Variants in NRXN3 observed in about 807,000 individuals in gnomAD.
NRXN3 encodes the protein neurexin 3.
NRXN3 carries 32 observed loss-of-function variants against 137.6 expected under a neutral mutation model. The observed-to-expected ratio is 0.23, with a 90% confidence interval of 0.18 to 0.31. NRXN3 has a LOEUF of 0.31. Among genes scored for constraint, NRXN3 ranks in the 10% least tolerant of loss-of-function variants. NRXN3 has a pLI of 1.00. For synonymous variants in NRXN3, 798 were observed against 784.5 expected, an observed-to-expected ratio of 1.02 and a Z score of -0.29; for missense variants, 1,574 against 2,062.5, an observed-to-expected ratio of 0.76 and a Z score of 4.59.
intron 15 of NRXN3, among the ~76,000 whole-genome samples, chr14:79,392,516 G>A (rs1174223954): frequency 2.6e-5 from 4 of 152,156 alleles, no homozygotes; most frequent in Non-Finnish European, 5.9e-5. Context: ...CCAGTAATGG[G>A]ACTGCTGGGT....
chr14:79,102,513 C>T (rs1345681365), intron 15 of NRXN3, among the ~76,000 whole-genome samples: 2 of 152,096 alleles, frequency 1.3e-5, no homozygotes, highest in Admixed American at 1.3e-4. Context: ...TAAATGTTTA[C>T]TGAGTACCTC....
chr14:78,471,319 CA>C (rs1567684641), intron 4 of NRXN3, among the ~76,000 whole-genome samples: 3 of 87,956 alleles, frequency 3.4e-5, no homozygotes, highest in African/African-American at 1.4e-4. Flanking sequence ...CACACACACA[CA>C]CACACACACA....
chr14:79,140,233 A>G (rs2058665210), intron 15 of NRXN3, among the ~76,000 whole-genome samples: 1 of 152,116 alleles, frequency 6.6e-6, no homozygotes, highest in Admixed American at 6.6e-5. Flanking sequence ...TTACTGATAG[A>G]TTCTTGGTTT....
At chr14:79,553,096 C>T (rs1431829368) in intron 16 of NRXN3, among the ~76,000 whole-genome samples, 2 of 152,132 alleles carry the variant, frequency 1.3e-5, no homozygotes, top group African/African-American at 2.4e-5. Context: ...AGAGAAAGAC[C>T]TTGGTTCTGA....
intron 15 of NRXN3, among the ~76,000 whole-genome samples, chr14:79,116,002 G>C (rs1049209387): frequency 2.0e-5 from 3 of 152,052 alleles, no homozygotes; most frequent in Non-Finnish European, 4.4e-5. Flanking sequence ...GAGAATGAGG[G>C]ATACACGCAA....
chr14:79,456,211 G>A lies in NRXN3; in HGVS notation c.3263-11010G>A, dbSNP rs559391175. Among the ~76,000 whole-genome samples, 273 of 152,182 alleles carry A rather than the reference G, an allele frequency of 1.8e-3. 2 individuals carry two copies. Among genetic ancestry groups the A allele is most frequent in the Non-Finnish European group, 3.3e-3 (226 of 67,994 alleles). On this transcript the variant is annotated intron_variant, in intron 15 of 20. Transcript: ENST00000335750. ...AAATGTTCCAATTTGAAATATATAC[G>A]AATTACTGAATATGCTTCTTTGGTA...
intron 4 of NRXN3, among the ~76,000 whole-genome samples, chr14:78,621,474 T>A (rs533612284): frequency 1.3e-5 from 2 of 152,188 alleles, no homozygotes; most frequent in Non-Finnish European, 2.9e-5. Flanking sequence ...AAATAACAAA[T>A]ACACTAATTA....
At chr14:78,699,003 A>G (rs1027505162) in intron 6 of NRXN3, among the ~76,000 whole-genome samples, 2 of 151,820 alleles carry the variant, frequency 1.3e-5, no homozygotes, top group Non-Finnish European at 2.9e-5. Context: ...TCTTCTTCCC[A>G]TTTTTCCACC....
intron 15 of NRXN3, among the ~76,000 whole-genome samples, chr14:79,108,601 G>T (rs982425568): frequency 6.6e-6 from 1 of 152,022 alleles, no homozygotes; most frequent in East Asian, 1.9e-4. Context: ...ACTAGTAAAT[G>T]GCACTCTTAA....
intron 4 of NRXN3, among the ~76,000 whole-genome samples, chr14:78,623,652 C>T (rs963245029): frequency 5.3e-5 from 8 of 152,196 alleles, no homozygotes; most frequent in South Asian, 4.2e-4. Flanking sequence ...CTGCAACCTC[C>T]GCCTCCCAGG....
intron 15 of NRXN3, among the ~76,000 whole-genome samples, chr14:79,114,955 T>C (rs972102768): frequency 6.6e-6 from 1 of 152,130 alleles, no homozygotes; most frequent in Non-Finnish European, 1.5e-5. Flanking sequence ...AATACGACAT[T>C]ACTCTTGGGT....
In NRXN3 at chr14:79,861,952, G is replaced by A. The variant is rs769902942; in HGVS notation, c.4704G>A (p.Glu1568=). 4 of 1,611,984 alleles carry A rather than the reference G, an allele frequency of 2.5e-6. No individual in the cohort carries two copies. The African/African-American group carries it at 4.0e-5, about 16-fold the overall frequency. ...GHKKQKNKDR[E]YYV ...AGAAACAGAAAAACAAGGACAGGGA[G>A]TATTACGTGTAAACATGCGAACACT... Residue 1568 remains glutamate, a synonymous_variant, in exon 21 of 21, where the codon GAG becomes GAA. Coordinates refer to ENST00000335750, the MANE Select transcript of NRXN3 (RefSeq NM_001330195.2). The surrounding 1 kb of genome is among the most constrained non-coding windows in gnomAD (Gnocchi z 5.4).
intron 10 of NRXN3, among the ~76,000 whole-genome samples, chr14:78,951,267 T>A (rs1273882138): frequency 6.6e-6 from 1 of 152,160 alleles, no homozygotes; most frequent in Admixed American, 6.5e-5. Flanking sequence ...CTTAAAACCT[T>A]CCAAGAGCTT....
At chr14:79,417,863 G>A (rs1313859304) in intron 15 of NRXN3, among the ~76,000 whole-genome samples, 1 of 151,896 alleles carries the variant, frequency 6.6e-6, no homozygotes, top group African/African-American at 2.4e-5. Flanking sequence ...CTTTTGATTA[G>A]AAGCCTTATT....
At chr14:79,406,114 A>G (rs1020389945) in intron 15 of NRXN3, among the ~76,000 whole-genome samples, 1 of 152,080 alleles carries the variant, frequency 6.6e-6, no homozygotes, top group African/African-American at 2.4e-5. Flanking sequence ...CACTATCTTT[A>G]TTTCCCTATC....
At chr14:78,805,453 C>A (rs572229702) in intron 9 of NRXN3, among the ~76,000 whole-genome samples, 4 of 152,084 alleles carry the variant, frequency 2.6e-5, no homozygotes, top group East Asian at 1.9e-4. Context: ...GAGAACACAG[C>A]GTATTGAGCA....
intron 15 of NRXN3, among the ~76,000 whole-genome samples, chr14:79,172,938 C>T (rs993566014): frequency 2.0e-5 from 3 of 152,172 alleles, no homozygotes; most frequent in African/African-American, 7.2e-5. Context: ...GAAATTTAAT[C>T]ACTTCCAAAG....
chr14:79,018,011 G>T (rs1313669151), intron 15 of NRXN3, among the ~76,000 whole-genome samples: 1 of 151,890 alleles, frequency 6.6e-6, no homozygotes, highest in Non-Finnish European at 1.5e-5. Context: ...TGTAATCCTC[G>T]CACTTTGGGA....
intron 15 of NRXN3, among the ~76,000 whole-genome samples, chr14:79,358,627 A>AAGAAAGAAAGAAAGAAAGAAAGAG (rs1566902814): frequency 6.8e-6 from 1 of 147,704 alleles, no homozygotes; most frequent in East Asian, 2.5e-4. Flanking sequence ...GAAAGAAAGA[A>AAGAAAGAAAGAAAGAAAGAAAGAG]AGAAAGAAAG....
Sources: allele counts gnomAD v4.1 joint callset (sites outside exome capture counted in the v4.1 genomes callset), GRCh38; gene constraint gnomAD v4.1.1; non-coding constraint Gnocchi (gnomAD v3.1); transcripts MANE v1.5; gene names NCBI Gene and HGNC (gene_info 2026-07-23, HGNC 2026-07-21).